GRM7: variants seen among roughly 807,000 people sequenced by gnomAD.
GRM7 encodes the protein metabotropic glutamate receptor 7.
In GRM7, 35 loss-of-function variants were observed where a neutral mutation model predicts 84.5. The observed-to-expected ratio is 0.41, with a 90% CI of 0.32 to 0.55. The LOEUF (loss-of-function observed/expected upper bound fraction) is 0.55, where lower values mean the gene tolerates loss of function less well. Among genes scored for constraint, GRM7 ranks in the 20% least tolerant of loss-of-function variants. GRM7 has a pLI of 0.19. For synonymous variants in GRM7, 487 were observed against 455.1 expected (o/e 1.07, Z -0.89); for missense variants, 1,003 against 1,194.6 (o/e 0.84, Z 2.36).
chr3:6,963,869 GCA>G (rs1693398142), intron 1 of GRM7, among the ~76,000 whole-genome samples: 1 of 152,072 alleles, frequency 6.6e-6, no homozygotes, highest in South Asian at 2.1e-4. Context: ...TCTCCACTCT[GCA>G]CATCAGATTT....
At chr3:7,098,604 C>G (rs1698936621) in intron 1 of GRM7, among the ~76,000 whole-genome samples, 1 of 151,880 alleles carries the variant, frequency 6.6e-6, no homozygotes, top group African/African-American at 2.4e-5. Flanking sequence ...AATAAAACTT[C>G]AAGGTGAAAA....
At chr3:7,302,330 C>G (rs1048370849) in intron 3 of GRM7, among the ~76,000 whole-genome samples, 1 of 152,080 alleles carries the variant, frequency 6.6e-6, no homozygotes, top group African/African-American at 2.4e-5. Flanking sequence ...ATTTTGTCAT[C>G]TTTTACAATT....
chr3:7,213,265 G>A (rs1696490001), intron 2 of GRM7, among the ~76,000 whole-genome samples: 1 of 152,162 alleles, frequency 6.6e-6, no homozygotes, highest in Admixed American at 6.5e-5. Context: ...GATTTGAACA[G>A]TATTATCCAA....
At chr3:7,265,972 A>C (rs1255122093) in intron 2 of GRM7, among the ~76,000 whole-genome samples, 1 of 152,082 alleles carries the variant, frequency 6.6e-6, no homozygotes, top group Non-Finnish European at 1.5e-5. Flanking sequence ...GCTCAGCAAG[A>C]CTGTGGTCAG....
chr3:7,463,169 G>T (rs1698319560), intron 7 of GRM7, among the ~76,000 whole-genome samples: 1 of 152,102 alleles, frequency 6.6e-6, no homozygotes, highest in Non-Finnish European at 1.5e-5. Flanking sequence ...AGGGCTTATT[G>T]TAAGATCCAG....
rs368787807 is a variant in GRM7 at position 7,298,707 on chromosome 3, G to A, written c.760G>A (p.Val254Met). 2.0e-5 allele frequency: 33 copies of A among 1,613,224 alleles called. No homozygotes were observed. The highest frequency in any genetic ancestry group is 5.3e-5 in the African/African-American group (4 of 74,862). Residue 254 changes from valine to methionine, a missense_variant, in exon 3 of 10, where the codon GTG becomes ATG. Physicochemically the swap from Val to Met is conservative, Grantham distance 21. Around this residue, in one of 2 missense-constraint regions of GRM7, gnomAD observed 910 missense variants for 1,126.0 expected, o/e 0.81. Transcript: ENST00000357716. ...EAGGLCIAQS[V>M]RIPQERKDRT... ...AGGTGGACTCTGCATTGCCCAGTCC[G>A]TGAGAATCCCCCAGGAACGCAAAGA...
At chr3:7,440,365 A>G (rs1162387851) in intron 5 of GRM7, among the ~76,000 whole-genome samples, 1 of 152,192 alleles carries the variant, frequency 6.6e-6, no homozygotes, top group Non-Finnish European at 1.5e-5. Flanking sequence ...TACAGCATCT[A>G]GTCACACAGA....
chr3:7,258,521 C>T (rs1698292455), intron 2 of GRM7, among the ~76,000 whole-genome samples: 1 of 152,150 alleles, frequency 6.6e-6, no homozygotes, highest in Non-Finnish European at 1.5e-5. Context: ...AAGTAGTAGC[C>T]ACAGACAAAT....
At chr3:7,662,166 T>C (rs963682016) in intron 8 of GRM7, among the ~76,000 whole-genome samples, 10 of 152,232 alleles carry the variant, frequency 6.6e-5, no homozygotes, top group Non-Finnish European at 1.3e-4. Flanking sequence ...GTAGTTATCA[T>C]AGAATTTTAT....
intron 1 of GRM7, among the ~76,000 whole-genome samples, chr3:6,899,530 G>A (rs759669576): frequency 1.8e-4 from 27 of 152,120 alleles, no homozygotes; most frequent in Non-Finnish European, 1.6e-4. Flanking sequence ...AGGAAAAGGT[G>A]AAAAGTTTTC....
chr3:7,242,511 T>G (rs1294981453), intron 2 of GRM7, among the ~76,000 whole-genome samples: 1 of 152,200 alleles, frequency 6.6e-6, no homozygotes. Flanking sequence ...AATGGCATTG[T>G]CTTTTTAACT....
intron 1 of GRM7, among the ~76,000 whole-genome samples, chr3:7,029,779 A>G (rs977289996): frequency 2.0e-5 from 3 of 152,186 alleles, no homozygotes; most frequent in Non-Finnish European, 4.4e-5. Context: ...TTATGTGGAT[A>G]GATGCTGGTG....
intron 1 of GRM7, among the ~76,000 whole-genome samples, chr3:6,950,005 C>T (rs975496141): frequency 2.0e-5 from 3 of 152,164 alleles, no homozygotes; most frequent in Non-Finnish European, 1.5e-5. Flanking sequence ...GTTCGAACTT[C>T]CTTCTTTAGC....
At chr3:7,606,266 T>A (rs1696564325) in intron 8 of GRM7, among the ~76,000 whole-genome samples, 1 of 152,102 alleles carries the variant, frequency 6.6e-6, no homozygotes, top group South Asian at 2.1e-4. Context: ...TCTTTTTTTT[T>A]ATAAGACTAA....
At chr3:6,982,061 G>A (rs142380802) in intron 1 of GRM7, among the ~76,000 whole-genome samples, 13 of 152,148 alleles carry the variant, frequency 8.5e-5, no homozygotes, top group Non-Finnish European at 1.9e-4. Flanking sequence ...CCCATCAACG[G>A]TGGACTGGAT....
At chr3:7,176,490 CTT>C (rs1695155836) in intron 2 of GRM7, among the ~76,000 whole-genome samples, 1 of 152,080 alleles carries the variant, frequency 6.6e-6, no homozygotes, top group South Asian at 2.1e-4. Flanking sequence ...ATCCTTTCGT[CTT>C]TATTCATTCA....
chr3:7,650,499 C>A (rs9829568), intron 8 of GRM7, among the ~76,000 whole-genome samples: 39,459 of 152,012 alleles, frequency 0.26, 5,384 homozygotes, highest in African/African-American at 0.3. Flanking sequence ...GCTGCTGGTT[C>A]AAAAGGTAAA....
intron 1 of GRM7, among the ~76,000 whole-genome samples, chr3:7,135,607 C>T (rs1168346211): frequency 2.6e-5 from 4 of 152,096 alleles, no homozygotes; most frequent in Non-Finnish European, 4.4e-5. Context: ...AAGTAAGATA[C>T]TCCTCAGGTG....
intron 9 of GRM7, chr3:7,680,605 T>G (rs1396188422): frequency 3.2e-6 from 1 of 315,468 alleles, no homozygotes; most frequent in Non-Finnish European, 5.9e-6. Context: ...GTTGTTCTTT[T>G]CTTGCACCCT....
Sources: gnomAD v4.1 joint callset for allele counts (sites outside exome capture counted in the v4.1 genomes callset) on GRCh38, gnomAD v4.1.1 for gene constraint, gnomAD v4.1.1 regional missense constraint, MANE v1.5 for transcripts, NCBI Gene and HGNC (gene_info 2026-07-23, HGNC 2026-07-21) for gene names.